Variants in CALN1 observed in about 807,000 individuals in gnomAD.
CALN1 encodes the protein calneuron 1.
CALN1 carries 17 observed loss-of-function variants against 30.6 expected under a neutral mutation model. The observed-to-expected ratio is 0.56, with a 90% CI of 0.38 to 0.83. CALN1 has a LOEUF of 0.83. Among genes scored for constraint, CALN1 ranks in the 40% least tolerant of loss-of-function variants. The pLI is 0.00. For missense variants in CALN1, 291 were observed against 354.9 expected, an observed-to-expected ratio of 0.82 and a Z score of 1.45; for synonymous variants, 156 against 131.4, an observed-to-expected ratio of 1.19 and a Z score of -1.28.
Position 71,861,777 on chromosome 7 carries a change from CAAAAAAAAAA to C in CALN1, c.502-51295_502-51286del, listed in dbSNP as rs35793572. 3.2e-4 allele frequency among the ~76,000 whole-genome samples: 24 copies of C among 74,702 alleles called. No individual in the cohort carries two copies. The East Asian group carries it at 9.6e-3, about 30-fold the overall frequency. 49.0% of individuals were successfully genotyped at this position (74,702 alleles called of 152,430 possible). On this transcript the variant is annotated intron_variant, in intron 5 of 6. Coordinates refer to ENST00000395275, the MANE Select transcript of CALN1 (RefSeq NM_031468.4). ...ATGGGTGAAAGAGTGCAACTCTATC[CAAAAAAAAAA>C]AAAAAAAAAAAAAGAGAGAGAGAGT...
At chr7:72,086,917 A>T (rs1450063040) in intron 4 of CALN1, among the ~76,000 whole-genome samples, 2 of 152,190 alleles carry the variant, frequency 1.3e-5, no homozygotes, top group Non-Finnish European at 2.9e-5. Context: ...CAAATAATGA[A>T]AAGACCTGAC....
chr7:72,445,057 AAC>A (rs4029789), intron 1 of CALN1, among the ~76,000 whole-genome samples: 15,625 of 138,602 alleles, frequency 0.11, 944 homozygotes, highest in African/African-American at 0.16. Context: ...CAGTGAATTA[AAC>A]ACACACACAC....
intron 4 of CALN1, among the ~76,000 whole-genome samples, chr7:72,073,050 T>C (rs868436931): frequency 7.2e-5 from 11 of 152,220 alleles, no homozygotes; most frequent in African/African-American, 2.4e-4. Context: ...AGTAATTACC[T>C]ACTTATCAGT....
chr7:72,409,450 G>A (rs914938240), intron 1 of CALN1, among the ~76,000 whole-genome samples: 2 of 145,674 alleles, frequency 1.4e-5, no homozygotes, highest in South Asian at 4.7e-4. Context: ...AATCTTAAAC[G>A]GATCTCTGTG....
intron 5 of CALN1, among the ~76,000 whole-genome samples, chr7:71,992,627 G>A (rs1425925495): frequency 1.3e-5 from 2 of 152,030 alleles, no homozygotes; most frequent in Non-Finnish European, 2.9e-5. Context: ...CAAACCAATG[G>A]GATTATATGT....
intron 4 of CALN1, among the ~76,000 whole-genome samples, chr7:72,049,474 T>C (rs557922873): frequency 1.3e-3 from 193 of 152,274 alleles, no homozygotes; most frequent in African/African-American, 4.5e-3. Context: ...GGCAGGCACA[T>C]TGTTAAGCTA....
At chr7:72,494,366 T>C in the CALN1 span, among the ~76,000 whole-genome samples, 1 of 152,182 alleles carries the variant, frequency 6.6e-6, no homozygotes, top group Non-Finnish European at 1.5e-5. Context: ...GCTAGCAAGC[T>C]TACCTTTATT....
intron 3 of CALN1, among the ~76,000 whole-genome samples, chr7:72,154,937 G>T (rs1374147356): frequency 2.0e-5 from 3 of 151,766 alleles, no homozygotes; most frequent in South Asian, 2.1e-4. Flanking sequence ...TGTGCTTTTA[G>T]TCCCAGCTAC....
At chr7:72,317,093 AGGG>A (rs1209199052) in intron 2 of CALN1, among the ~76,000 whole-genome samples, 3 of 128,156 alleles carry the variant, frequency 2.3e-5, no homozygotes, top group African/African-American at 8.6e-5. Context: ...AGAGAGAGAG[AGGG>A]AGGGAGGAAG....
intron 5 of CALN1, among the ~76,000 whole-genome samples, chr7:71,937,950 A>G (rs1795930520): frequency 6.6e-6 from 1 of 151,228 alleles, no homozygotes; most frequent in African/African-American, 2.4e-5. Context: ...TATCTCTGTC[A>G]CTATTTATTC....
chr7:72,503,226 G>C, the CALN1 span, among the ~76,000 whole-genome samples: 1 of 152,122 alleles, frequency 6.6e-6, no homozygotes, highest in Non-Finnish European at 1.5e-5. Flanking sequence ...GCAGGGGCTG[G>C]GACGCTAGCA....
At chr7:71,801,424 G>GTATCTATCTATCTATCTATC (rs1302790129) in intron 6 of CALN1, among the ~76,000 whole-genome samples, 204 of 102,628 alleles carry the variant, frequency 2.0e-3, no homozygotes, top group Middle Eastern at 5.5e-3. Context: ...ATGTATGTAT[G>GTATCTATCTATCTATCTATC]TATGTATCTA....
At chr7:72,396,058 C>A (rs1390540429) in intron 2 of CALN1, among the ~76,000 whole-genome samples, 2 of 151,632 alleles carry the variant, frequency 1.3e-5, no homozygotes, top group African/African-American at 4.9e-5. Flanking sequence ...AGAATCTGAT[C>A]AGCAAACTGA....
At chr7:72,405,877 G>T (rs934901311) in intron 1 of CALN1, among the ~76,000 whole-genome samples, 3 of 152,128 alleles carry the variant, frequency 2.0e-5, no homozygotes, top group Admixed American at 2.0e-4. Context: ...CCCTTCTCTT[G>T]TCAGGTCCCC....
intron 4 of CALN1, among the ~76,000 whole-genome samples, chr7:72,100,088 G>A (rs975637385): frequency 2.6e-5 from 4 of 152,164 alleles, no homozygotes; most frequent in African/African-American, 7.2e-5. Context: ...GGGGTCCAAT[G>A]AGAGAATATA....
At chr7:71,876,786 C>T (rs1792270091) in intron 5 of CALN1, among the ~76,000 whole-genome samples, 1 of 152,160 alleles carries the variant, frequency 6.6e-6, no homozygotes, top group South Asian at 2.1e-4. Context: ...AGTGGCAGAA[C>T]AAATATTGGG....
At chr7:72,206,421 AAT>A (rs1791890827) in intron 3 of CALN1, among the ~76,000 whole-genome samples, 1 of 152,176 alleles carries the variant, frequency 6.6e-6, no homozygotes, top group Admixed American at 6.5e-5. Context: ...GATTCGCTGT[AAT>A]ATTACTTCTG....
chr7:72,173,714 G>A (rs1789138474), intron 3 of CALN1, among the ~76,000 whole-genome samples: 2 of 152,130 alleles, frequency 1.3e-5, no homozygotes, highest in Non-Finnish European at 2.9e-5. Context: ...TTTAATAAAT[G>A]ATGCTAGAAT....
At chr7:72,195,212 G>T (rs957602816) in intron 3 of CALN1, among the ~76,000 whole-genome samples, 4 of 152,130 alleles carry the variant, frequency 2.6e-5, no homozygotes, top group Non-Finnish European at 5.9e-5. Context: ...CTCATCTTTT[G>T]AGCCCTTGCT....
Sources: gnomAD v4.1 joint callset for allele counts (sites outside exome capture counted in the v4.1 genomes callset) on GRCh38, gnomAD v4.1.1 for gene constraint, MANE v1.5 for transcripts, NCBI Gene and HGNC (gene_info 2026-07-23, HGNC 2026-07-21) for gene names.